The following OPCML variants were observed in gnomAD, a reference collection of about 807,000 sequenced individuals.
OPCML encodes opioid-binding protein/cell adhesion molecule.
In OPCML, 13 loss-of-function variants were observed where a neutral mutation model predicts 37.8. The observed-to-expected ratio is 0.34, with a 90% CI of 0.22 to 0.55. OPCML has a LOEUF of 0.55. OPCML is among the 20% of genes least tolerant of loss of function. The probability of loss-of-function intolerance (pLI) is 0.91; values close to 1 mark genes in which losing one functional copy is unlikely to be tolerated. For missense variants in OPCML, 341 were observed against 435.6 expected, an observed-to-expected ratio of 0.78 and a Z score of 1.93; for synonymous variants, 176 against 168.8, an observed-to-expected ratio of 1.04 and a Z score of -0.33.
At chr11:133,425,209 C>A (rs928449798) in intron 1 of OPCML, among the ~76,000 whole-genome samples, 1 of 152,202 alleles carries the variant, frequency 6.6e-6, no homozygotes, top group African/African-American at 2.4e-5. Context: ...AGTCAGACCT[C>A]CTCATAGAAA....
chr11:133,328,320 G>A (rs1396111192), intron 1 of OPCML, among the ~76,000 whole-genome samples: 1 of 152,012 alleles, frequency 6.6e-6, no homozygotes, highest in Non-Finnish European at 1.5e-5. Context: ...ATCATGCCCA[G>A]CTGATTTTTG....
At chr11:132,924,127 A>ATGTGTGTGTG (rs10686395) in intron 2 of OPCML, among the ~76,000 whole-genome samples, 199 of 149,838 alleles carry the variant, frequency 1.3e-3, no homozygotes, top group African/African-American at 3.4e-3. Flanking sequence ...AAAAAAAACT[A>ATGTGTGTGTG]TGTGTGTGTG....
chr11:132,707,695 T>C (rs1944091969), intron 2 of OPCML, among the ~76,000 whole-genome samples: 2 of 152,200 alleles, frequency 1.3e-5, no homozygotes, highest in Non-Finnish European at 2.9e-5. Flanking sequence ...GCCTTATGGG[T>C]ATTTCACTTA....
chr11:132,990,947 A>G (rs1946762759), intron 1 of OPCML, among the ~76,000 whole-genome samples: 1 of 152,244 alleles, frequency 6.6e-6, no homozygotes, highest in Admixed American at 6.5e-5. Flanking sequence ...TCACAGGTAT[A>G]TGATTCCAAG....
chr11:132,576,898 C>A (rs2096452318), intron 3 of OPCML, among the ~76,000 whole-genome samples: 1 of 152,152 alleles, frequency 6.6e-6, no homozygotes, highest in South Asian at 2.1e-4. Context: ...ATCCAAGCTG[C>A]CACGTCCACT....
chr11:133,030,496 C>G (rs1244616761), intron 1 of OPCML, among the ~76,000 whole-genome samples: 1 of 152,174 alleles, frequency 6.6e-6, no homozygotes, highest in Non-Finnish European at 1.5e-5. Flanking sequence ...TACATAAGGA[C>G]AGAACACTGT....
chr11:133,005,574 AT>A, intron 1 of OPCML: 1 of 985,156 alleles, frequency 1.0e-6, no homozygotes, highest in Non-Finnish European at 1.2e-6. Flanking sequence ...ATTTTAATAT[AT>A]CCCTTTCCTT....
intron 1 of OPCML, among the ~76,000 whole-genome samples, chr11:133,187,040 G>A (rs1938115723): frequency 6.6e-6 from 1 of 152,156 alleles, no homozygotes; most frequent in Admixed American, 6.6e-5. Context: ...TTAGATCTGA[G>A]CATTTACTGA....
intron 1 of OPCML, among the ~76,000 whole-genome samples, chr11:133,396,423 C>T (rs1280665704): frequency 6.6e-6 from 1 of 151,954 alleles, no homozygotes; most frequent in Non-Finnish European, 1.5e-5. Flanking sequence ...CTGTCACTCA[C>T]TCTTATTTTT....
chr11:132,830,097 C>T (rs377176663), intron 2 of OPCML, among the ~76,000 whole-genome samples: 7 of 152,278 alleles, frequency 4.6e-5, no homozygotes, highest in Admixed American at 3.3e-4. Context: ...TACTCTTTTC[C>T]CCCAATCTGT....
chr11:132,561,454 C>T (rs1398516923), intron 3 of OPCML, among the ~76,000 whole-genome samples: 2 of 152,224 alleles, frequency 1.3e-5, no homozygotes, highest in Non-Finnish European at 2.9e-5. Context: ...CCCACATGTG[C>T]CCCTGACACC....
chr11:132,747,991 T>C (rs1237928673), intron 2 of OPCML, among the ~76,000 whole-genome samples: 3 of 152,058 alleles, frequency 2.0e-5, no homozygotes, highest in African/African-American at 7.2e-5. Context: ...CTACACCAAA[T>C]CCTGATCTTA....
intron 1 of OPCML, among the ~76,000 whole-genome samples, chr11:133,509,810 G>T (rs1167227533): frequency 6.6e-6 from 1 of 152,148 alleles, no homozygotes; most frequent in African/African-American, 2.4e-5. Context: ...TACTCACTGA[G>T]TACCCTTTCT....
intron 3 of OPCML, among the ~76,000 whole-genome samples, chr11:132,594,714 G>T (rs1246485779): frequency 6.6e-6 from 1 of 152,162 alleles, no homozygotes; most frequent in Admixed American, 6.6e-5. Flanking sequence ...GTGAATATCC[G>T]ATTATATCAC....
intron 1 of OPCML, chr11:133,361,142 T>C (rs1944404432): frequency 6.6e-6 from 1 of 152,366 alleles, no homozygotes; most frequent in African/African-American, 2.4e-5. Flanking sequence ...TCCCACCGCT[T>C]GACCACCAAG....
chr11:132,615,451 CTT>C (rs1156510968), intron 3 of OPCML, among the ~76,000 whole-genome samples: 1 of 152,172 alleles, frequency 6.6e-6, no homozygotes, highest in African/African-American at 2.4e-5. Context: ...AGTTGGCTCT[CTT>C]TATCAGCGAG....
intron 2 of OPCML, among the ~76,000 whole-genome samples, chr11:132,727,979 T>C (rs1022059695): frequency 3.9e-5 from 6 of 152,162 alleles, no homozygotes; most frequent in Non-Finnish European, 5.9e-5. Context: ...GTGGGGTTTG[T>C]CCTTCAGAAG....
chr11:132,573,531 T>C (rs73036878), intron 3 of OPCML, among the ~76,000 whole-genome samples: 92 of 152,160 alleles, frequency 6.0e-4, no homozygotes, highest in Non-Finnish European at 9.7e-4. Flanking sequence ...TTTTATCCTT[T>C]ATTCCATTGA....
intron 1 of OPCML, among the ~76,000 whole-genome samples, chr11:133,507,533 C>G (rs1385850605): frequency 6.6e-6 from 1 of 152,116 alleles, no homozygotes; most frequent in African/African-American, 2.4e-5. Context: ...CTCCTCTCAC[C>G]AGGTCGTAAG....
Sources: allele counts gnomAD v4.1 joint callset (sites outside exome capture counted in the v4.1 genomes callset), GRCh38; gene constraint gnomAD v4.1.1; transcripts MANE v1.5; gene names NCBI Gene and HGNC (gene_info 2026-07-23, HGNC 2026-07-21).